UHRF2: variants seen among roughly 807,000 people sequenced by gnomAD.
UHRF2 encodes E3 ubiquitin-protein ligase UHRF2.
Under a neutral mutation model 96.8 loss-of-function variants are expected in UHRF2, and 23 were observed. The observed-to-expected ratio is 0.24, with a 90% confidence interval of 0.17 to 0.34. The LOEUF (loss-of-function observed/expected upper bound fraction) is 0.34. UHRF2 is among the 10% of genes least tolerant of loss of function. The pLI is 1.00. For missense variants in UHRF2, 685 were observed against 981.5 expected, an observed-to-expected ratio of 0.70 and a Z score of 4.04; for synonymous variants, 385 against 332.6, an observed-to-expected ratio of 1.16 and a Z score of -1.72.
intron 3 of UHRF2, among the ~76,000 whole-genome samples, chr9:6,454,740 A>C (rs757484402): frequency 5.3e-5 from 8 of 152,216 alleles, no homozygotes; most frequent in Admixed American, 3.3e-4. Flanking sequence ...TTAGTTGGGT[A>C]ACGGTTCAAG....
At chr9:6,481,938 T>C in intron 7 of UHRF2, 54 bp from the exon 8 acceptor site, 1 of 1,591,460 alleles carries the variant, frequency 6.3e-7, no homozygotes, top group South Asian at 1.1e-5. Context: ...AATTAAGGGC[T>C]TTCATTAAAA....
chr9:6,473,471 G>C (rs1407409297), intron 4 of UHRF2, among the ~76,000 whole-genome samples: 8 of 152,052 alleles, frequency 5.3e-5, no homozygotes. Context: ...TGATAGAATG[G>C]GAATATCAAC....
intron 3 of UHRF2, among the ~76,000 whole-genome samples, chr9:6,450,220 C>G (rs974138794): frequency 4.6e-5 from 7 of 151,828 alleles, no homozygotes; most frequent in African/African-American, 1.2e-4. Flanking sequence ...TAAAAATGTA[C>G]TTAGGTTGTT....
In UHRF2 at chr9:6,413,364, G is replaced by T. The variant is rs1443411442; in HGVS notation, c.-127G>T. The T allele has an allele frequency of 1.0e-4, 100 of 996,438 alleles. No homozygotes were observed. Among genetic ancestry groups the T allele is most frequent in the Non-Finnish European group, 1.2e-4 (98 of 789,590 alleles). 61.7% of individuals were successfully genotyped at this position (996,438 alleles called of 1,614,324 possible). A position where few individuals can be genotyped will look rare whatever the true frequency, so the allele number is the denominator to read the frequency against. ...GTCGGGCCCGGCGTCCGGTCGGTCC[G>T]GTGGGCGCGCTCGCCCGCCTGCCGC... On this transcript the variant is annotated 5_prime_UTR_variant, in exon 1 of 16. Transcript: ENST00000276893.
At position 6,429,167 on chromosome 9, in the gene UHRF2, GA is replaced by G. The variant is rs879346848; in HGVS notation, c.385-4734del. Among the ~76,000 whole-genome samples the G allele has an allele frequency of 2.2e-3, 297 of 135,060 alleles. 3 individuals are homozygous for G. The highest frequency in any genetic ancestry group is 3.7e-3 in the Admixed American group (50 of 13,384). 88.6% of individuals were successfully genotyped at this position (135,060 alleles called of 152,430 possible). A position where few individuals can be genotyped will look rare whatever the true frequency, so the allele number is the denominator to read the frequency against. Reference sequence around the variant, plus strand: ...GCAACAGAGCAAGACTCTGTCTCAGGAAAAAAAAAAAAAGGAAGATGGTACA... The same window carrying G: ...GCAACAGAGCAAGACTCTGTCTCAGGAAAAAAAAAAAAGGAAGATGGTACA... On this transcript the variant is annotated intron_variant, in intron 2 of 15. Transcript: ENST00000276893.
chr9:6,438,735 C>G (rs1177500865), intron 3 of UHRF2, among the ~76,000 whole-genome samples: 1 of 152,156 alleles, frequency 6.6e-6, no homozygotes, highest in Non-Finnish European at 1.5e-5. Context: ...TTATAGTAAT[C>G]TACGTATCTA....
intron 2 of UHRF2, among the ~76,000 whole-genome samples, chr9:6,425,737 C>G (rs1343087886): frequency 5.3e-5 from 8 of 151,540 alleles, no homozygotes; most frequent in South Asian, 4.2e-4. Flanking sequence ...CACTCCAAGC[C>G]TGGGTGAGTG....
chr9:6,450,097 C>T (rs1409296517), intron 3 of UHRF2, among the ~76,000 whole-genome samples: 1 of 152,152 alleles, frequency 6.6e-6, no homozygotes, highest in Non-Finnish European at 1.5e-5. Flanking sequence ...AACCTGGGAA[C>T]AGACTTGGAA....
intron 11 of UHRF2, 87 bp from the exon 12 acceptor site, chr9:6,497,931 T>C: frequency 2.6e-6 from 4 of 1,511,768 alleles, no homozygotes; most frequent in Non-Finnish European, 3.6e-6. Context: ...TGCATTTAGT[T>C]CTGGCAAAGA....
chr9:6,457,489 A>G (rs902896926), intron 3 of UHRF2, among the ~76,000 whole-genome samples: 1 of 152,100 alleles, frequency 6.6e-6, no homozygotes, highest in Non-Finnish European at 1.5e-5. Context: ...CTAATTGAAT[A>G]CCCTTTATTT....
intron 3 of UHRF2, 77 bp downstream of exon 3, chr9:6,434,250 T>A: frequency 6.8e-7 from 1 of 1,473,866 alleles, no homozygotes; most frequent in Non-Finnish European, 9.0e-7. Flanking sequence ...CAAGATTATT[T>A]TAAATAGTCT....
At chr9:6,455,487 C>G (rs1340374103) in intron 3 of UHRF2, among the ~76,000 whole-genome samples, 1 of 152,160 alleles carries the variant, frequency 6.6e-6, no homozygotes, top group African/African-American at 2.4e-5. Flanking sequence ...TTTATGGCTG[C>G]ATAATATTCC....
intron 3 of UHRF2, among the ~76,000 whole-genome samples, chr9:6,438,235 A>G (rs1424265936): frequency 6.6e-6 from 1 of 152,208 alleles, no homozygotes; most frequent in East Asian, 1.9e-4. Flanking sequence ...CTGAAGATGG[A>G]GAATGGTCTG....
At chr9:6,413,692 T>G in intron 1 of UHRF2, 49 bp downstream of exon 1, 1 of 1,484,118 alleles carries the variant, frequency 6.7e-7, no homozygotes, top group Middle Eastern at 2.4e-4. Context: ...CCGGAACAGC[T>G]GGGCTCCTCT....
intron 14 of UHRF2, among the ~76,000 whole-genome samples, chr9:6,503,119 C>G (rs1165873225): frequency 6.6e-6 from 1 of 152,058 alleles, no homozygotes; most frequent in African/African-American, 2.4e-5. Flanking sequence ...CTCAGCCTCC[C>G]AAGTAGCTGG....
At chr9:6,440,384 A>G (rs1386861253) in intron 3 of UHRF2, among the ~76,000 whole-genome samples, 1 of 152,238 alleles carries the variant, frequency 6.6e-6, no homozygotes, top group African/African-American at 2.4e-5. Flanking sequence ...GATTAATTAT[A>G]TAATTAGCCA....
intron 2 of UHRF2, among the ~76,000 whole-genome samples, chr9:6,421,606 AG>A (rs1819933908): frequency 1.3e-5 from 2 of 152,020 alleles, no homozygotes; most frequent in African/African-American, 4.8e-5. Context: ...TAGTAGAAAC[AG>A]GGTTTCACCA....
At chr9:6,450,953 A>G (rs1821822136) in intron 3 of UHRF2, among the ~76,000 whole-genome samples, 1 of 152,212 alleles carries the variant, frequency 6.6e-6, no homozygotes, top group Non-Finnish European at 1.5e-5. Context: ...GTTGGAAAAG[A>G]ACTAGGAAAT....
intron 3 of UHRF2, among the ~76,000 whole-genome samples, chr9:6,455,907 C>G (rs1822146585): frequency 6.6e-6 from 1 of 152,132 alleles, no homozygotes; most frequent in Non-Finnish European, 1.5e-5. Flanking sequence ...TTGCTTGAGC[C>G]TGGGAGGCCA....
Sources: gnomAD v4.1 joint callset for allele counts (sites outside exome capture counted in the v4.1 genomes callset) on GRCh38, gnomAD v4.1.1 for gene constraint, MANE v1.5 for transcripts, NCBI Gene and HGNC (gene_info 2026-07-23, HGNC 2026-07-21) for gene names.